Variants in NCAM1 observed in about 807,000 individuals in gnomAD.
NCAM1 encodes the protein antigen recognized by monoclonal antibody 5.1H11.
NCAM1 carries 14 observed loss-of-function variants against 109.8 expected under a neutral mutation model. The ratio of observed to expected loss-of-function variants is 0.13; its 90% CI spans 0.08 to 0.20. The LOEUF (loss-of-function observed/expected upper bound fraction) is 0.20, where lower values mean the gene tolerates loss of function less well. NCAM1 is among the 10% of genes least tolerant of loss of function. The pLI is 1.00. For missense variants in NCAM1, 774 were observed against 1,109.9 expected, an observed-to-expected ratio of 0.70 and a Z score of 4.30; for synonymous variants, 418 against 442.9, an observed-to-expected ratio of 0.94 and a Z score of 0.70.
intron 1 of NCAM1, among the ~76,000 whole-genome samples, chr11:113,024,023 G>A (rs937285435): frequency 3.3e-5 from 5 of 152,168 alleles, no homozygotes; most frequent in South Asian, 2.1e-4. Context: ...AGTTGGGTCC[G>A]GTTTTCTTCA....
chr11:113,236,424 G>A, intron 14 of NCAM1: 1 of 1,223,024 alleles, frequency 8.2e-7, no homozygotes, highest in Non-Finnish European at 1.2e-6. Flanking sequence ...GGCTGAAGTA[G>A]ATGATATTGT....
intron 1 of NCAM1, among the ~76,000 whole-genome samples, chr11:113,026,471 G>A (rs1262319687): frequency 7.9e-5 from 12 of 152,208 alleles, no homozygotes; most frequent in African/African-American, 2.9e-4. Flanking sequence ...GTCACAGAGG[G>A]GACATGTGCC....
chr11:113,227,083 A>C (rs1268056386), intron 9 of NCAM1, among the ~76,000 whole-genome samples: 1 of 152,232 alleles, frequency 6.6e-6, no homozygotes, highest in Non-Finnish European at 1.5e-5. Context: ...CTAAGATCAG[A>C]GCAGAACTGA....
At chr11:113,172,517 T>A (rs1306901782) in intron 1 of NCAM1, among the ~76,000 whole-genome samples, 1 of 152,258 alleles carries the variant, frequency 6.6e-6, no homozygotes, top group African/African-American at 2.4e-5. Context: ...TCTTGGTATG[T>A]TCTTTTGTCT....
intron 15 of NCAM1, among the ~76,000 whole-genome samples, chr11:113,247,160 A>G (rs1223383491): frequency 6.6e-6 from 1 of 152,196 alleles, no homozygotes; most frequent in African/African-American, 2.4e-5. Context: ...AACCTTGTTA[A>G]AACATTTCTC....
intron 1 of NCAM1, among the ~76,000 whole-genome samples, chr11:113,162,382 G>T (rs1207623089): frequency 6.6e-6 from 1 of 152,052 alleles, no homozygotes; most frequent in East Asian, 1.9e-4. Context: ...TAGGAGCAGG[G>T]CCCTGTGCAT....
chr11:113,054,759 T>A (rs1344610233), intron 1 of NCAM1, among the ~76,000 whole-genome samples: 1 of 152,156 alleles, frequency 6.6e-6, no homozygotes, highest in Non-Finnish European at 1.5e-5. Flanking sequence ...TCTTTTTCCC[T>A]TATCTACAAT....
At chr11:113,246,257 C>T (rs1945500914) in intron 14 of NCAM1, 111 bp from the exon 15 acceptor site, 6 of 641,948 alleles carry the variant, frequency 9.3e-6, no homozygotes, top group Non-Finnish European at 1.7e-5. Context: ...TTTGTATTTT[C>T]CATGTGACCT....
At chr11:113,164,363 A>G (rs781802019) in intron 1 of NCAM1, among the ~76,000 whole-genome samples, 3 of 152,196 alleles carry the variant, frequency 2.0e-5, no homozygotes, top group Non-Finnish European at 4.4e-5. Flanking sequence ...AAGGTGTCCT[A>G]TAATTTAAAT....
intron 9 of NCAM1, among the ~76,000 whole-genome samples, chr11:113,229,139 A>T: frequency 6.6e-6 from 1 of 152,254 alleles, no homozygotes; most frequent in Admixed American, 6.5e-5. Context: ...CATCAGAGTG[A>T]ACAGGCAACC....
chr11:113,019,890 A>G (rs1017679125), intron 1 of NCAM1, among the ~76,000 whole-genome samples: 21 of 152,032 alleles, frequency 1.4e-4, no homozygotes, highest in African/African-American at 5.1e-4. Context: ...TGGCTCTTTC[A>G]TTGCCGTTTT....
At chr11:113,207,492 C>A (rs983304948) in intron 6 of NCAM1, 114 bp downstream of exon 6, 1 of 803,046 alleles carries the variant, frequency 1.2e-6, no homozygotes, top group Non-Finnish European at 2.0e-6. Context: ...GGAATATTAA[C>A]CCCAGGAGAA....
chr11:113,064,737 T>G (rs1201987562), intron 1 of NCAM1, among the ~76,000 whole-genome samples: 1 of 152,200 alleles, frequency 6.6e-6, no homozygotes, highest in Non-Finnish European at 1.5e-5. Flanking sequence ...GATCACCCAG[T>G]GCTAGGTGCC....
At chr11:113,145,893 G>T (rs782477982) in intron 1 of NCAM1, among the ~76,000 whole-genome samples, 7 of 152,088 alleles carry the variant, frequency 4.6e-5, no homozygotes, top group Non-Finnish European at 8.8e-5. Context: ...TTATTTTTCT[G>T]GAAACAAGCA....
chr11:113,010,149 C>G (rs1207588527), intron 1 of NCAM1, among the ~76,000 whole-genome samples: 1 of 152,178 alleles, frequency 6.6e-6, no homozygotes, highest in Non-Finnish European at 1.5e-5. Context: ...CAGGCATTCT[C>G]ACATTCGATC....
chr11:113,074,165 G>T (rs1591303188), intron 1 of NCAM1, among the ~76,000 whole-genome samples: 1 of 152,098 alleles, frequency 6.6e-6, no homozygotes, highest in Admixed American at 6.5e-5. Flanking sequence ...TTTGAGCTTC[G>T]CAGTATAAAG....
At position 113,275,870 on chromosome 11, in the gene NCAM1, T is replaced by C. The variant is rs1946392274; in HGVS notation, c.*483T>C. ...TTTATTTTTATACTTTCAGTCAAGTTTGAACTCTGTAAAACCTCATAAATA... is the reference window on the plus strand; with the variant it reads ...TTTATTTTTATACTTTCAGTCAAGTCTGAACTCTGTAAAACCTCATAAATA... On this transcript the variant is annotated 3_prime_UTR_variant, in exon 20 of 20. Transcript: ENST00000316851. 2 of 153,602 alleles carry C rather than the reference T, an allele frequency of 1.3e-5. No homozygotes were observed. Among genetic ancestry groups the C allele is most frequent in the Admixed American group, 6.5e-5 (1 of 15,470 alleles). The allele number at this position is 153,602 out of a possible 1,614,324, so 9.5% of individuals were successfully genotyped here.
rs556304197 is a variant in NCAM1, at chr11:113,136,022, A to G, written c.53-66357A>G. ...TTTTATTTTAGTGCACTTTAAATTGAAATTAAAAAGTAATACTGGGCGTGG... is the reference window on the plus strand; with the variant it reads ...TTTTATTTTAGTGCACTTTAAATTGGAATTAAAAAGTAATACTGGGCGTGG... On this transcript the variant is annotated intron_variant, in intron 1 of 19. Transcript: ENST00000316851. Among the ~76,000 whole-genome samples the G allele has an allele frequency of 5.6e-4, 86 of 152,312 alleles. 1 individual carries two copies. Among genetic ancestry groups the G allele is most frequent in the Non-Finnish European group, 9.6e-4 (65 of 68,032 alleles).
chr11:113,260,055 C>T (rs1302186447), intron 16 of NCAM1, 91 bp from the exon 17 acceptor site: 3 of 1,173,362 alleles, frequency 2.6e-6, no homozygotes, highest in East Asian at 2.6e-5. Context: ...TATTGAGTCC[C>T]GTAAGTTTTG....
Sources: gnomAD v4.1 joint callset for allele counts (sites outside exome capture counted in the v4.1 genomes callset) on GRCh38, gnomAD v4.1.1 for gene constraint, MANE v1.5 for transcripts, NCBI Gene and HGNC (gene_info 2026-07-23, HGNC 2026-07-21) for gene names.